The following RCAN3 variants were observed in gnomAD, a reference collection of about 807,000 sequenced individuals.
RCAN3 encodes the protein calcipressin-3.
Under a neutral mutation model 21.9 loss-of-function variants are expected in RCAN3, and 19 were observed. That is an observed-to-expected ratio of 0.87 (90% CI 0.61 to 1.27). The LOEUF (loss-of-function observed/expected upper bound fraction) is 1.27, where lower values mean the gene tolerates loss of function less well. Ranked by LOEUF, RCAN3 falls within the 50% of genes most tolerant of loss-of-function variation. RCAN3 has a pLI of 0.00. For synonymous variants in RCAN3, 114 were observed against 112.3 expected (o/e 1.01, Z -0.09); for missense variants, 240 against 300.1 (o/e 0.80, Z 1.48).
At position 24,536,400 on chromosome 1, in the gene RCAN3, A is replaced by C. The variant is rs961944933; in HGVS notation, c.*1123A>C. ...TGTTGAAATTTTGTACCCGGATTGCAGTTGGCACTTTTCCTAAAACAGAAT... is the reference window on the plus strand; with the variant it reads ...TGTTGAAATTTTGTACCCGGATTGCCGTTGGCACTTTTCCTAAAACAGAAT... On this transcript the variant is annotated 3_prime_UTR_variant, in exon 5 of 5. Coordinates refer to ENST00000374395, the MANE Select transcript of RCAN3 (RefSeq NM_013441.4). 1 of 152,220 alleles carries C rather than the reference A, an allele frequency of 6.6e-6. No individual in the cohort carries two copies. The highest frequency in any genetic ancestry group is 1.5e-5 in the Non-Finnish European group (1 of 68,038). The allele number at this position is 152,220 out of a possible 1,614,324, so 9.4% of individuals were successfully genotyped here. A position where few individuals can be genotyped will look rare whatever the true frequency, so the allele number is the denominator to read the frequency against.
intron 1 of RCAN3, among the ~76,000 whole-genome samples, chr1:24,510,880 C>G (rs1647817739): frequency 6.6e-6 from 1 of 152,142 alleles, no homozygotes; most frequent in South Asian, 2.1e-4. Context: ...CACTTGAACA[C>G]TTAGAAGCCA....
intron 1 of RCAN3, among the ~76,000 whole-genome samples, chr1:24,507,044 G>A: frequency 6.6e-6 from 1 of 152,130 alleles, no homozygotes; most frequent in Non-Finnish European, 1.5e-5. Flanking sequence ...GATACTAAAA[G>A]TTAAATTGCA....
At chr1:24,516,293 C>T (rs1437303836) in intron 2 of RCAN3, among the ~76,000 whole-genome samples, 2 of 152,104 alleles carry the variant, frequency 1.3e-5, no homozygotes, top group Admixed American at 6.6e-5. Flanking sequence ...AGCGAGACCC[C>T]ATCTCCATAA....
At chr1:24,518,579 CCA>C (rs1231634600) in intron 2 of RCAN3, among the ~76,000 whole-genome samples, 2 of 149,298 alleles carry the variant, frequency 1.3e-5, no homozygotes, top group Non-Finnish European at 2.9e-5. Context: ...GTCTTTAACC[CCA>C]GTTTTTTTTT....
At chr1:24,527,258 C>G (rs1649353377) in intron 2 of RCAN3, among the ~76,000 whole-genome samples, 2 of 152,132 alleles carry the variant, frequency 1.3e-5, no homozygotes, top group South Asian at 4.1e-4. Context: ...CTGCCTCTGC[C>G]TCCCAAAGTG....
chr1:24,510,129 G>T (rs1268487264), intron 1 of RCAN3, among the ~76,000 whole-genome samples: 2 of 152,196 alleles, frequency 1.3e-5, no homozygotes, highest in East Asian at 1.9e-4. Context: ...AGGCTGAATT[G>T]TTCCGTTCAT....
intron 1 of RCAN3, among the ~76,000 whole-genome samples, chr1:24,511,908 C>T (rs1217603718): frequency 1.3e-5 from 2 of 152,004 alleles, no homozygotes; most frequent in African/African-American, 4.8e-5. Context: ...CCAAACTGCA[C>T]CTAATTCAGG....
At chr1:24,506,452 T>G (rs560227721) in intron 1 of RCAN3, among the ~76,000 whole-genome samples, 1 of 152,308 alleles carries the variant, frequency 6.6e-6, no homozygotes, top group African/African-American at 2.4e-5. Context: ...AAATTTCCTG[T>G]TTTTGATAAT....
intron 1 of RCAN3, among the ~76,000 whole-genome samples, chr1:24,509,024 G>C (rs1482901239): frequency 2.6e-5 from 4 of 152,072 alleles, no homozygotes; most frequent in African/African-American, 9.7e-5. Flanking sequence ...AACCGGACAT[G>C]GTGGTGTGTG....
In RCAN3 at chr1:24,518,180, C is replaced by A. The variant is rs568888325; in HGVS notation, c.195+3613C>A. ...TCTCTATAAAAAAATTTTTTTTTCC[C>A]AGCTTGAAAAAGTTTTTGTCTTTAT... is the stretch of plus-strand genomic sequence containing the variant. On this transcript the variant is annotated intron_variant, in intron 2 of 4. Coordinates refer to ENST00000374395, the MANE Select transcript of RCAN3 (RefSeq NM_013441.4). 3.9e-5 allele frequency among the ~76,000 whole-genome samples: 6 copies of A among 152,128 alleles called. No individual in the cohort carries two copies. The South Asian group carries it at 1.2e-3, about 32-fold the overall frequency.
chr1:24,529,544 G>C lies in RCAN3; in HGVS notation c.196-1674G>C, dbSNP rs1649572065. 3.1e-5 allele frequency among the ~76,000 whole-genome samples: 4 copies of C among 127,920 alleles called. No homozygotes were observed. In the South Asian group the frequency reaches 1.0e-3, roughly 33 times the overall value. The allele number at this position is 127,920 out of a possible 152,430, so 83.9% of individuals were successfully genotyped here. ...CCAGCCTGGGTGACAGAGAGACTCT[G>C]TCTCTCTTTTTTTTTTTTTTTTTTA... On this transcript the variant is annotated intron_variant, in intron 2 of 4. Coordinates refer to ENST00000374395, the MANE Select transcript of RCAN3 (RefSeq NM_013441.4).
chr1:24,523,162 CAA>C (rs1648955847), intron 2 of RCAN3, among the ~76,000 whole-genome samples: 2 of 151,660 alleles, frequency 1.3e-5, no homozygotes, highest in South Asian at 4.2e-4. Context: ...CTCCCGGGTT[CAA>C]AGAGTTCTCC....
Position 24,531,379 on chromosome 1 carries a change from A to G in RCAN3, c.357A>G (p.Leu119=), listed in dbSNP as rs1206395319. The change falls in exon 3 of 5, where the codon CTA becomes CTG. Residue 119 remains leucine (L), a synonymous_variant. Coordinates refer to ENST00000374395, the MANE Select transcript of RCAN3 (RefSeq NM_013441.4). ...ETDFNGQKLK[L]YFAQVQMSGE... ...ACTTCAATGGGCAGAAGCTAAAGCT[A>G]TATTTTGCACAGGTACTTCACCGTG... 4 of 1,610,902 alleles carry G rather than the reference A, an allele frequency of 2.5e-6. No individual in the cohort carries two copies. The highest frequency in any genetic ancestry group is 2.5e-6 in the Non-Finnish European group (3 of 1,178,692).
intron 1 of RCAN3, among the ~76,000 whole-genome samples, chr1:24,506,306 G>A (rs1271104597): frequency 6.6e-6 from 1 of 152,036 alleles, no homozygotes; most frequent in East Asian, 1.9e-4. Context: ...TGGGACAAAC[G>A]ACAAATAATT....
At chr1:24,516,290 C>A (rs1379208010) in intron 2 of RCAN3, among the ~76,000 whole-genome samples, 1 of 151,970 alleles carries the variant, frequency 6.6e-6, no homozygotes, top group Non-Finnish European at 1.5e-5. Flanking sequence ...TATAGCGAGA[C>A]CCCATCTCCA....
chr1:24,529,431 G>A (rs981638463), intron 2 of RCAN3, among the ~76,000 whole-genome samples: 1 of 150,708 alleles, frequency 6.6e-6, no homozygotes, highest in African/African-American at 2.4e-5. Context: ...TTGTGGTGGT[G>A]CCTGCTACTC....
chr1:24,521,734 G>C lies in RCAN3; in HGVS notation c.195+7167G>C, dbSNP rs556490826. Among the ~76,000 whole-genome samples the C allele has an allele frequency of 6.6e-5, 10 of 152,282 alleles. No individual in the cohort carries two copies. The South Asian group carries it at 2.1e-3, about 32-fold the overall frequency. On this transcript the variant is annotated intron_variant, in intron 2 of 4. Coordinates refer to ENST00000374395, the MANE Select transcript of RCAN3 (RefSeq NM_013441.4). ...ATGGTGGTATACGCCTGTAGTCCCA[G>C]CTACTCGGGAGGCTGAGGCAGGAGA...
intron 2 of RCAN3, among the ~76,000 whole-genome samples, chr1:24,514,769 G>A (rs543110697): frequency 6.6e-6 from 1 of 152,136 alleles, no homozygotes; most frequent in East Asian, 1.9e-4. Context: ...AGGAGTTCAA[G>A]ACGAGCTTGG....
At chr1:24,524,834 T>TG (rs1309563036) in intron 2 of RCAN3, among the ~76,000 whole-genome samples, 27 of 121,576 alleles carry the variant, frequency 2.2e-4, no homozygotes, top group Middle Eastern at 7.4e-3. Context: ...TTTTGTTTTT[T>TG]TTTTTTTTTT....
Sources: allele counts gnomAD v4.1 joint callset (sites outside exome capture counted in the v4.1 genomes callset), GRCh38; gene constraint gnomAD v4.1.1; transcripts MANE v1.5; gene names NCBI Gene and HGNC (gene_info 2026-07-23, HGNC 2026-07-21).